ANO6: variants seen among roughly 807,000 people sequenced by gnomAD.
ANO6 encodes anoctamin 6, also known as anoctamin-6.
ANO6 carries 106 observed loss-of-function variants against 117.5 expected under a neutral mutation model. The observed-to-expected ratio is 0.90, with a 90% CI of 0.77 to 1.06. The LOEUF is 1.06. ANO6 is among the 50% of genes least tolerant of loss of function. The pLI is 0.00. For synonymous variants in ANO6, 367 were observed against 385.1 expected (o/e 0.95, Z 0.55); for missense variants, 955 against 1,121.1 (o/e 0.85, Z 2.12).
intron 15 of ANO6, among the ~76,000 whole-genome samples, chr12:45,408,091 G>A (rs575019726): frequency 8.5e-5 from 13 of 152,314 alleles, no homozygotes; most frequent in Admixed American, 2.6e-4. Context: ...AGAGTGAGCC[G>A]TTTGTACTGC....
intron 2 of ANO6, among the ~76,000 whole-genome samples, chr12:45,308,076 A>C (rs1262522250): frequency 3.7e-4 from 2 of 5,336 alleles, no homozygotes; most frequent in Non-Finnish European, 2.1e-3. Flanking sequence ...TTTTTTTGCC[A>C]AGCAAGAACA....
At chr12:45,361,737 T>C (rs977594265) in intron 8 of ANO6, among the ~76,000 whole-genome samples, 5 of 152,262 alleles carry the variant, frequency 3.3e-5, no homozygotes, top group African/African-American at 1.2e-4. Flanking sequence ...TCTGTGTCTA[T>C]TGACATTATC....
chr12:45,368,831 C>A (rs1018019862), intron 9 of ANO6, among the ~76,000 whole-genome samples: 5 of 152,190 alleles, frequency 3.3e-5, no homozygotes, highest in African/African-American at 1.2e-4. Flanking sequence ...CTATATCATA[C>A]TTTGCATAGT....
At chr12:45,382,101 A>G (rs1942184145) in intron 10 of ANO6, among the ~76,000 whole-genome samples, 1 of 152,182 alleles carries the variant, frequency 6.6e-6, no homozygotes, top group South Asian at 2.1e-4. Context: ...TAGATTGATG[A>G]CAAAATACAG....
At chr12:45,385,108 GCCTACTATGT>G (rs1565738603) in intron 10 of ANO6, among the ~76,000 whole-genome samples, 2 of 152,138 alleles carry the variant, frequency 1.3e-5, no homozygotes, top group African/African-American at 4.8e-5. Context: ...TTCGTTACAT[GCCTACTATGT>G]CGTAGTGCTT....
chr12:45,228,059 G>A (rs149935176), intron 1 of ANO6: 3 of 273,418 alleles, frequency 1.1e-5, no homozygotes, highest in Admixed American at 4.7e-5. Flanking sequence ...GCTCATGAAT[G>A]TAGGGATTAT....
chr12:45,287,129 T>C (rs937223756), intron 1 of ANO6, among the ~76,000 whole-genome samples: 6 of 152,184 alleles, frequency 3.9e-5, no homozygotes, highest in African/African-American at 1.4e-4. Flanking sequence ...TAAAGGAAAG[T>C]ACAGCAGGGC....
chr12:45,400,626 A>G (rs1026420006), intron 12 of ANO6, among the ~76,000 whole-genome samples: 1 of 152,184 alleles, frequency 6.6e-6, no homozygotes, highest in African/African-American at 2.4e-5. Context: ...ATCCTCAACA[A>G]CTCCATAGGT....
chr12:45,425,493 A>G (rs1177034193), intron 19 of ANO6, among the ~76,000 whole-genome samples: 1 of 152,238 alleles, frequency 6.6e-6, no homozygotes, highest in Non-Finnish European at 1.5e-5. Context: ...ACCGGAGGGA[A>G]AAAACTGATG....
At chr12:45,322,944 C>T (rs1940331185) in intron 2 of ANO6, among the ~76,000 whole-genome samples, 1 of 152,108 alleles carries the variant, frequency 6.6e-6, no homozygotes, top group African/African-American at 2.4e-5. Flanking sequence ...AACGTATTTT[C>T]CTTTTGCCCT....
At chr12:45,251,826 T>C (rs1176935744) in intron 1 of ANO6, among the ~76,000 whole-genome samples, 1 of 152,228 alleles carries the variant, frequency 6.6e-6, no homozygotes, top group Non-Finnish European at 1.5e-5. Flanking sequence ...GTAAACTTAC[T>C]GTTTTAAACT....
intron 1 of ANO6, among the ~76,000 whole-genome samples, chr12:45,283,418 A>G (rs1171929767): frequency 8.5e-5 from 13 of 152,200 alleles, no homozygotes; most frequent in Non-Finnish European, 1.3e-4. Flanking sequence ...CACCTCTCCC[A>G]TGAGGAGGAG....
chr12:45,301,884 G>T, intron 1 of ANO6, 130 bp from the exon 2 acceptor site: 1 of 764,380 alleles, frequency 1.3e-6, no homozygotes, highest in South Asian at 1.5e-5. Flanking sequence ...TAGCTGAAAG[G>T]GTTAAATAAT....
intron 2 of ANO6, among the ~76,000 whole-genome samples, chr12:45,309,915 G>A (rs1353912688): frequency 6.6e-6 from 1 of 152,080 alleles, no homozygotes; most frequent in Non-Finnish European, 1.5e-5. Context: ...CATTAATTTG[G>A]CAAAAGGACT....
At chr12:45,413,766 G>C (rs934295630) in intron 16 of ANO6, among the ~76,000 whole-genome samples, 1 of 151,622 alleles carries the variant, frequency 6.6e-6, no homozygotes, top group Non-Finnish European at 1.5e-5. Flanking sequence ...GGGAAATACA[G>C]AGGGGGAAGA....
Position 45,430,824 on chromosome 12 carries a change from C to A in ANO6, c.*1513C>A. The A allele has an allele frequency of 4.1e-6, 4 of 985,402 alleles. No homozygotes were observed. Among genetic ancestry groups the A allele is most frequent in the Non-Finnish European group, 4.8e-6 (4 of 829,994 alleles). The allele number at this position is 985,402 out of a possible 1,614,324, so 61.0% of individuals were successfully genotyped here. A position where few individuals can be genotyped will look rare whatever the true frequency, so the allele number is the denominator to read the frequency against. On this transcript the variant is annotated 3_prime_UTR_variant, in exon 20 of 20. Transcript: ENST00000320560. ...GCTCTGGAAAAGACAGGGAGCCAGGCCCTCTCACCCCTACTGGTAACAGGT... is the reference window on the plus strand; with the variant it reads ...GCTCTGGAAAAGACAGGGAGCCAGGACCTCTCACCCCTACTGGTAACAGGT...
intron 14 of ANO6, 27 bp from the exon 15 acceptor site, chr12:45,403,412 A>C (rs753426772): frequency 6.3e-7 from 1 of 1,581,108 alleles, no homozygotes; most frequent in Non-Finnish European, 8.7e-7. Context: ...TGAATATTTA[A>C]ATGGTATTTT....
At chr12:45,409,606 T>A in intron 16 of ANO6, 119 bp downstream of exon 16, 4 of 1,196,666 alleles carry the variant, frequency 3.3e-6, no homozygotes, top group Non-Finnish European at 4.8e-6. Flanking sequence ...GAAGAGTATG[T>A]TTTTCTCCAC....
chr12:45,421,243 A>G lies in ANO6; in HGVS notation c.2390A>G (p.Tyr797Cys). ...AAAAACAAAAGCAAGGGAAACCCGT[A>G]CTCTGACCTGGGTAACCATACCACA... ...DFKNKSKGNPYSDLGNHTTCR... is the reference protein window; with the variant it reads ...DFKNKSKGNPCSDLGNHTTCR... The change falls in exon 18 of 20, where the codon TAC becomes TGC. Residue 797 changes from tyrosine to cysteine, a missense_variant. Physicochemically the swap from Tyr to Cys is radical, Grantham distance 194. Transcript: ENST00000320560. The G allele has an allele frequency of 6.2e-7, 1 of 1,614,142 alleles. No homozygotes were observed. Among genetic ancestry groups the G allele is most frequent in the Non-Finnish European group, 8.5e-7 (1 of 1,179,992 alleles).
Sources: allele counts gnomAD v4.1 joint callset (sites outside exome capture counted in the v4.1 genomes callset), GRCh38; gene constraint gnomAD v4.1.1; transcripts MANE v1.5; gene names NCBI Gene and HGNC (gene_info 2026-07-23, HGNC 2026-07-21).